The following PCSK2 variants were observed in gnomAD, a reference collection of about 807,000 sequenced individuals.
The protein encoded by PCSK2 is proprotein convertase subtilisin/kexin type 2.
In PCSK2, 14 loss-of-function variants were observed where a neutral mutation model predicts 69.7. That is an observed-to-expected ratio of 0.20 (90% CI 0.13 to 0.31). PCSK2 has a LOEUF of 0.31. PCSK2 is among the 10% of genes least tolerant of loss of function. The pLI is 1.00. For missense variants in PCSK2, 544 were observed against 842.5 expected (o/e 0.65, Z 4.39); for synonymous variants, 307 against 320.7 (o/e 0.96, Z 0.46).
At chr20:17,340,148 A>T (rs1990469027) in intron 2 of PCSK2, among the ~76,000 whole-genome samples, 1 of 152,228 alleles carries the variant, frequency 6.6e-6, no homozygotes, top group Non-Finnish European at 1.5e-5. Context: ...GTAAGGAGAT[A>T]TTGAAGCTTT....
At chr20:17,338,312 TCA>T (rs1169093422) in intron 2 of PCSK2, among the ~76,000 whole-genome samples, 1 of 152,076 alleles carries the variant, frequency 6.6e-6, no homozygotes, top group African/African-American at 2.4e-5. Flanking sequence ...TTCTCCTGCC[TCA>T]GTCTCCTGAG....
chr20:17,329,778 G>C (rs926981258), intron 2 of PCSK2, among the ~76,000 whole-genome samples: 1 of 152,170 alleles, frequency 6.6e-6, no homozygotes, highest in Non-Finnish European at 1.5e-5. Flanking sequence ...AGTCACAGAA[G>C]ATAATCTGTT....
chr20:17,286,465 G>GT (rs967423841), intron 2 of PCSK2, among the ~76,000 whole-genome samples: 48 of 151,272 alleles, frequency 3.2e-4, no homozygotes, highest in African/African-American at 8.0e-4. Flanking sequence ...TCGTTTTTTT[G>GT]TTTTTTTTAG....
At chr20:17,245,631 G>C (rs6080612) in intron 1 of PCSK2, among the ~76,000 whole-genome samples, 2 of 151,962 alleles carry the variant, frequency 1.3e-5, no homozygotes, top group African/African-American at 4.8e-5. Flanking sequence ...GTAATTGATA[G>C]GATTTTTTTT....
intron 8 of PCSK2, among the ~76,000 whole-genome samples, chr20:17,437,710 AC>A (rs1203019314): frequency 1.3e-5 from 2 of 152,068 alleles, no homozygotes; most frequent in Non-Finnish European, 2.9e-5. Flanking sequence ...TTAAGCAACC[AC>A]CCCAAAACTT....
chr20:17,474,395 G>C (rs2033256429), intron 11 of PCSK2, among the ~76,000 whole-genome samples: 1 of 152,328 alleles, frequency 6.6e-6, no homozygotes, highest in Non-Finnish European at 1.5e-5. Flanking sequence ...ACACAAGTTT[G>C]TGTGTTTGTC....
intron 11 of PCSK2, among the ~76,000 whole-genome samples, chr20:17,473,283 G>A (rs187595626): frequency 1.2e-4 from 18 of 151,906 alleles, no homozygotes; most frequent in Non-Finnish European, 2.2e-4. Flanking sequence ...TAGTAGAGAC[G>A]GGGTTTCTCC....
intron 6 of PCSK2, among the ~76,000 whole-genome samples, chr20:17,412,365 C>T (rs541470048): frequency 1.6e-4 from 25 of 152,132 alleles, no homozygotes; most frequent in African/African-American, 3.6e-4. Context: ...AACCATGGCA[C>T]GAGAACTTCG....
At chr20:17,337,304 AAGTAG>A (rs1990381710) in intron 2 of PCSK2, among the ~76,000 whole-genome samples, 1 of 152,210 alleles carries the variant, frequency 6.6e-6, no homozygotes, top group Non-Finnish European at 1.5e-5. Flanking sequence ...CTCTGAATTT[AAGTAG>A]ATTACTGCTT....
intron 2 of PCSK2, among the ~76,000 whole-genome samples, chr20:17,315,441 C>T (rs2123119636): frequency 6.6e-6 from 1 of 152,348 alleles, no homozygotes; most frequent in East Asian, 1.9e-4. Flanking sequence ...CCGTGGGTGG[C>T]CGATCACTCT....
chr20:17,480,302 G>T (rs1278158443), intron 11 of PCSK2, among the ~76,000 whole-genome samples: 1 of 142,824 alleles, frequency 7.0e-6, no homozygotes, highest in Non-Finnish European at 1.5e-5. Flanking sequence ...CCATTTTCCC[G>T]CCTCAGCCTC....
At chr20:17,421,807 TAA>T (rs56376793) in intron 6 of PCSK2, among the ~76,000 whole-genome samples, 1 of 78,970 alleles carries the variant, frequency 1.3e-5, no homozygotes, top group African/African-American at 5.0e-5. Context: ...GGAAGAGAGG[TAA>T]AAAAAAAAAA....
intron 11 of PCSK2, among the ~76,000 whole-genome samples, chr20:17,475,930 A>G (rs533858655): frequency 3.3e-5 from 5 of 152,226 alleles, no homozygotes; most frequent in Admixed American, 1.3e-4. Context: ...TCAACACAGA[A>G]CTCAGAGCCA....
intron 8 of PCSK2, among the ~76,000 whole-genome samples, chr20:17,438,831 T>G (rs2032538844): frequency 6.6e-6 from 1 of 152,254 alleles, no homozygotes; most frequent in Non-Finnish European, 1.5e-5. Flanking sequence ...CAATGCAATT[T>G]ATGGTCCAGA....
chr20:17,262,546 C>A (rs1007680766), intron 2 of PCSK2, among the ~76,000 whole-genome samples: 2 of 151,764 alleles, frequency 1.3e-5, no homozygotes, highest in African/African-American at 2.4e-5. Flanking sequence ...ATGATGTTCT[C>A]GTGGTTGTCT....
chr20:17,407,532 A>C (rs1250441412), intron 5 of PCSK2, among the ~76,000 whole-genome samples: 2 of 152,218 alleles, frequency 1.3e-5, no homozygotes, highest in African/African-American at 2.4e-5. Flanking sequence ...TTAGGAGAAC[A>C]GAACACCCTT....
At chr20:17,479,509 G>A (rs576177307) in intron 11 of PCSK2, 1 of 397,982 alleles carries the variant, frequency 2.5e-6, no homozygotes, top group African/African-American at 2.1e-5. Flanking sequence ...AACCACACAA[G>A]AATCATACGG....
intron 2 of PCSK2, among the ~76,000 whole-genome samples, chr20:17,262,934 C>T (rs565843646): frequency 2.4e-4 from 37 of 152,068 alleles, no homozygotes; most frequent in Non-Finnish European, 4.7e-4. Flanking sequence ...CGGTTGCAGC[C>T]CCAGCCCCCA....
chr20:17,369,052 C>A (rs1205912756), intron 4 of PCSK2, among the ~76,000 whole-genome samples, 188 bp from the exon 5 acceptor site: 1 of 152,182 alleles, frequency 6.6e-6, no homozygotes, highest in East Asian at 1.9e-4. Context: ...TCTGGCAGTG[C>A]AGCCCACCTT....
Sources: gnomAD v4.1 joint callset for allele counts (sites outside exome capture counted in the v4.1 genomes callset) on GRCh38, gnomAD v4.1.1 for gene constraint, MANE v1.5 for transcripts, NCBI Gene and HGNC (gene_info 2026-07-23, HGNC 2026-07-21) for gene names.